ARHGAP15: variants seen among roughly 807,000 people sequenced by gnomAD.
ARHGAP15 encodes the protein Rho GTPase activating protein 15.
A neutral mutation model predicts 63.7 loss-of-function variants in ARHGAP15; 51 were observed. The observed-to-expected ratio is 0.80, with a 90% CI of 0.64 to 1.01. The LOEUF is 1.01. Among genes scored for constraint, ARHGAP15 ranks in the 50% least tolerant of loss-of-function variants. The pLI is 0.00. For synonymous variants in ARHGAP15, 191 were observed against 193.8 expected, an observed-to-expected ratio of 0.99 and a Z score of 0.12; for missense variants, 560 against 564.6, an observed-to-expected ratio of 0.99 and a Z score of 0.08.
In ARHGAP15 at chr2:143,247,413, A is replaced by C. The variant is rs564559179; in HGVS notation, c.385-3098A>C. 2.6e-5 allele frequency: 4 copies of C among 152,068 alleles called. No individual in the cohort carries two copies. In the East Asian group the frequency reaches 7.7e-4, roughly 29 times the overall value. 9.4% of individuals were successfully genotyped at this position (152,068 alleles called of 1,614,324 possible). ...ACTGGCCTCTTTCCCCGGTATGTAAACCCTTAAAATCCCATATCTTGTTTG... is the reference window on the plus strand; with the variant it reads ...ACTGGCCTCTTTCCCCGGTATGTAACCCCTTAAAATCCCATATCTTGTTTG... On this transcript the variant is annotated intron_variant, in intron 5 of 13. Coordinates refer to ENST00000295095, the MANE Select transcript of ARHGAP15 (RefSeq NM_018460.4).
At chr2:143,210,491 CA>C (rs1354137588) in intron 3 of ARHGAP15, among the ~76,000 whole-genome samples, 1 of 152,046 alleles carries the variant, frequency 6.6e-6, no homozygotes, top group African/African-American at 2.4e-5. Context: ...TTGAAATACA[CA>C]GAGGTTTAAC....
intron 11 of ARHGAP15, among the ~76,000 whole-genome samples, chr2:143,613,270 T>G (rs976993302): frequency 6.6e-6 from 1 of 152,218 alleles, no homozygotes; most frequent in African/African-American, 2.4e-5. Context: ...TAGGTTTGCC[T>G]TTTCCTTTGA....
chr2:143,521,339 C>T (rs561581467), intron 10 of ARHGAP15, among the ~76,000 whole-genome samples: 1 of 152,264 alleles, frequency 6.6e-6, no homozygotes, highest in Admixed American at 6.5e-5. Flanking sequence ...CAAGTGTGTA[C>T]TTTTGATTAT....
At chr2:143,388,412 C>T (rs1280728097) in intron 6 of ARHGAP15, among the ~76,000 whole-genome samples, 3 of 152,252 alleles carry the variant, frequency 2.0e-5, no homozygotes, top group East Asian at 1.9e-4. Context: ...GTATGTATCA[C>T]TGAATTGGCA....
At chr2:143,461,872 A>G in intron 8 of ARHGAP15, among the ~76,000 whole-genome samples, 1 of 152,174 alleles carries the variant, frequency 6.6e-6, no homozygotes, top group East Asian at 1.9e-4. Context: ...GTTCACCATT[A>G]AAAATAGACT....
At chr2:143,458,460 ACT>A (rs1690766070) in intron 8 of ARHGAP15, among the ~76,000 whole-genome samples, 1 of 152,060 alleles carries the variant, frequency 6.6e-6, no homozygotes, top group South Asian at 2.1e-4. Flanking sequence ...CTGCGCAATG[ACT>A]CTGCGCACTA....
chr2:143,542,735 AAT>A (rs36056306), intron 10 of ARHGAP15, among the ~76,000 whole-genome samples: 5,572 of 89,968 alleles, frequency 0.062, 605 homozygotes, highest in African/African-American at 0.15. Context: ...TCACATATAT[AAT>A]ATATATATGA....
At chr2:143,689,914 T>A (rs535656339) in intron 12 of ARHGAP15, among the ~76,000 whole-genome samples, 1 of 152,278 alleles carries the variant, frequency 6.6e-6, no homozygotes, top group South Asian at 2.1e-4. Context: ...TATCTTTAAA[T>A]GATCCCAGTA....
intron 4 of ARHGAP15, among the ~76,000 whole-genome samples, chr2:143,217,329 A>G (rs1263250091): frequency 6.6e-6 from 1 of 152,212 alleles, no homozygotes; most frequent in Non-Finnish European, 1.5e-5. Flanking sequence ...ATTTATTTAA[A>G]CAAAGTAAAA....
At chr2:143,636,968 CTCATTGTGTACTCAAACACAAGA>C (rs1680347520) in intron 12 of ARHGAP15, among the ~76,000 whole-genome samples, 2 of 152,120 alleles carry the variant, frequency 1.3e-5, no homozygotes, top group African/African-American at 2.4e-5. Flanking sequence ...TGGCCACCTT[CTCATTGTGTACTCAAACACAAGA>C]TCATTGTGTC....
chr2:143,509,386 A>T (rs970402932), intron 9 of ARHGAP15, among the ~76,000 whole-genome samples: 2 of 151,932 alleles, frequency 1.3e-5, no homozygotes, highest in African/African-American at 4.8e-5. Flanking sequence ...CTTCCAGTGC[A>T]TGTCGTAGAT....
chr2:143,434,694 G>T (rs893884011), intron 6 of ARHGAP15, among the ~76,000 whole-genome samples: 5 of 152,092 alleles, frequency 3.3e-5, no homozygotes, highest in African/African-American at 9.7e-5. Context: ...TCTTCCAGTT[G>T]CAAGGAAAAG....
intron 6 of ARHGAP15, among the ~76,000 whole-genome samples, chr2:143,413,962 T>TGCGCGCGCGCGC (rs1337258046): frequency 3.5e-4 from 21 of 59,602 alleles, no homozygotes; most frequent in Admixed American, 1.4e-3. Flanking sequence ...TGTGTGTGTG[T>TGCGCGCGCGCGC]GTGTGCGCGC....
At chr2:143,375,851 C>T (rs1462182577) in intron 6 of ARHGAP15, among the ~76,000 whole-genome samples, 2 of 152,124 alleles carry the variant, frequency 1.3e-5, no homozygotes, top group African/African-American at 2.4e-5. Context: ...TCCAAATGCT[C>T]ATTAAATAGA....
At chr2:143,428,523 G>A (rs1421361462) in intron 6 of ARHGAP15, among the ~76,000 whole-genome samples, 1 of 151,922 alleles carries the variant, frequency 6.6e-6, no homozygotes, top group African/African-American at 2.4e-5. Context: ...ATGAGACAGT[G>A]AGGAAAGCAA....
chr2:143,530,049 T>C (rs574870295), intron 10 of ARHGAP15, among the ~76,000 whole-genome samples: 1 of 152,288 alleles, frequency 6.6e-6, no homozygotes, highest in African/African-American at 2.4e-5. Flanking sequence ...ACAAATATTA[T>C]CCAAGCTTTC....
At chr2:143,398,680 T>G (rs890083400) in intron 6 of ARHGAP15, among the ~76,000 whole-genome samples, 4 of 152,112 alleles carry the variant, frequency 2.6e-5, no homozygotes, top group African/African-American at 9.7e-5. Flanking sequence ...CTTGCAATGT[T>G]TAATGAGAAG....
At chr2:143,197,903 A>T (rs1384559274) in intron 2 of ARHGAP15, among the ~76,000 whole-genome samples, 1 of 151,952 alleles carries the variant, frequency 6.6e-6, no homozygotes, top group African/African-American at 2.4e-5. Flanking sequence ...TCTACCTTAG[A>T]AATATCTTTT....
At chr2:143,174,948 T>G (rs1289617774) in intron 2 of ARHGAP15, among the ~76,000 whole-genome samples, 2 of 152,152 alleles carry the variant, frequency 1.3e-5, no homozygotes, top group Non-Finnish European at 2.9e-5. Context: ...ATATCAACGT[T>G]ATTCACTCCA....
Sources: allele counts gnomAD v4.1 joint callset (sites outside exome capture counted in the v4.1 genomes callset), GRCh38; gene constraint gnomAD v4.1.1; transcripts MANE v1.5; gene names NCBI Gene and HGNC (gene_info 2026-07-23, HGNC 2026-07-21).